ELOVL6: variants seen among roughly 807,000 people sequenced by gnomAD.
ELOVL6 encodes ELOVL fatty acid elongase 6.
A neutral mutation model predicts 31.7 loss-of-function variants in ELOVL6; 8 were observed. That is an observed-to-expected ratio of 0.25 (90% CI 0.15 to 0.45). ELOVL6 has a LOEUF of 0.45. ELOVL6 is among the 20% of genes least tolerant of loss of function. ELOVL6 has a pLI of 1.00. For synonymous variants in ELOVL6, 101 were observed against 117.7 expected (o/e 0.86, Z 0.92); for missense variants, 126 against 326.4 (o/e 0.39, Z 4.73).
At chr4:110,152,706 T>C (rs189872167) in intron 1 of ELOVL6, among the ~76,000 whole-genome samples, 98 of 152,330 alleles carry the variant, frequency 6.4e-4, no homozygotes, top group Non-Finnish European at 9.0e-4. Context: ...CTGGTTCACA[T>C]ACACAGATCA....
chr4:110,110,955 C>T (rs1363927103), intron 1 of ELOVL6, among the ~76,000 whole-genome samples: 52 of 152,242 alleles, frequency 3.4e-4, no homozygotes, highest in Non-Finnish European at 2.9e-5. Context: ...CCTCCAGATA[C>T]TAATTTAGAG....
intron 1 of ELOVL6, among the ~76,000 whole-genome samples, chr4:110,182,908 C>CAA (rs537639856): frequency 1.2e-4 from 17 of 142,352 alleles, no homozygotes; most frequent in African/African-American, 4.4e-4. Flanking sequence ...AACTCCGTCT[C>CAA]AAAAAAAAAA....
intron 2 of ELOVL6, among the ~76,000 whole-genome samples, chr4:110,080,825 T>C (rs1412079789): frequency 2.6e-5 from 4 of 152,070 alleles, no homozygotes; most frequent in African/African-American, 7.2e-5. Context: ...GATGACATGA[T>C]TGTATATCTA....
At chr4:110,062,587 C>T (rs1258991783) in intron 2 of ELOVL6, among the ~76,000 whole-genome samples, 1 of 152,184 alleles carries the variant, frequency 6.6e-6, no homozygotes, top group East Asian at 1.9e-4. Context: ...GGTGAAGAGG[C>T]TTTCCTTCCT....
chr4:110,134,998 C>T (rs1165308058), intron 1 of ELOVL6, among the ~76,000 whole-genome samples: 1 of 152,062 alleles, frequency 6.6e-6, no homozygotes, highest in Non-Finnish European at 1.5e-5. Context: ...GGAAGAGGAA[C>T]TATGAAGGGC....
chr4:110,074,747 T>A (rs141931760), intron 2 of ELOVL6, among the ~76,000 whole-genome samples: 150 of 152,242 alleles, frequency 9.9e-4, no homozygotes, highest in Non-Finnish European at 1.8e-3. Context: ...TTTTAAAACT[T>A]ATAGGCAGGA....
intron 2 of ELOVL6, among the ~76,000 whole-genome samples, chr4:110,084,956 G>T (rs2126236579): frequency 6.6e-6 from 1 of 152,028 alleles, no homozygotes; most frequent in South Asian, 2.1e-4. Context: ...TGAGCAACAG[G>T]GTGGATAATG....
chr4:110,069,424 C>A (rs1755404553), intron 2 of ELOVL6, among the ~76,000 whole-genome samples: 1 of 152,084 alleles, frequency 6.6e-6, no homozygotes, highest in Admixed American at 6.6e-5. Flanking sequence ...CTTGCTCCAG[C>A]CCATCTCCCA....
chr4:110,079,806 G>GT (rs1755774833), intron 2 of ELOVL6, among the ~76,000 whole-genome samples: 1 of 152,106 alleles, frequency 6.6e-6, no homozygotes, highest in Admixed American at 6.6e-5. Context: ...CCAGGAGCTG[G>GT]TTTTTTGAAA....
chr4:110,151,310 A>G (rs1314855909), intron 1 of ELOVL6, among the ~76,000 whole-genome samples: 1 of 151,872 alleles, frequency 6.6e-6, no homozygotes, highest in Non-Finnish European at 1.5e-5. Flanking sequence ...TGATTGTTTC[A>G]TATACACCTT....
intron 1 of ELOVL6, among the ~76,000 whole-genome samples, chr4:110,163,962 T>C (rs80264169): frequency 0.035 from 5,307 of 152,236 alleles, 306 homozygotes; most frequent in African/African-American, 0.12. Context: ...GGTTGTGACA[T>C]GACATTTCTG....
intron 1 of ELOVL6, among the ~76,000 whole-genome samples, chr4:110,176,231 T>C (rs1304073929): frequency 1.3e-5 from 2 of 152,106 alleles, no homozygotes; most frequent in Non-Finnish European, 2.9e-5. Flanking sequence ...GGCGTGATCT[T>C]GGCTCACTGC....
intron 1 of ELOVL6, among the ~76,000 whole-genome samples, chr4:110,177,848 T>C (rs1759154848): frequency 6.6e-6 from 1 of 152,208 alleles, no homozygotes; most frequent in Non-Finnish European, 1.5e-5. Flanking sequence ...AGTTCCCTGA[T>C]TGGCATAAAT....
intron 2 of ELOVL6, among the ~76,000 whole-genome samples, chr4:110,081,270 A>G (rs941219380): frequency 8.5e-5 from 13 of 152,216 alleles, no homozygotes; most frequent in African/African-American, 2.9e-4. Context: ...ACCAAAAAAG[A>G]GCCTGCATTG....
Position 110,090,349 on chromosome 4 carries a change from T to C in ELOVL6, c.221+15148A>G, listed in dbSNP as rs1560818850. ...CATTTATCTACATGTAAACCTTCTA[T>C]ACATTAACACAGAAATAAAAGTAGG... On this transcript the variant is annotated intron_variant, in intron 2 of 3. Coordinates refer to ENST00000302274, the MANE Select transcript of ELOVL6 (RefSeq NM_024090.3). 1.3e-5 allele frequency among the ~76,000 whole-genome samples: 2 copies of C among 152,204 alleles called. 1 individual carries two copies. The highest frequency in any genetic ancestry group is 4.1e-4 in the South Asian group (2 of 4,834).
chr4:110,185,497 T>TA (rs1759410905), intron 1 of ELOVL6, among the ~76,000 whole-genome samples: 1 of 152,124 alleles, frequency 6.6e-6, no homozygotes, highest in Admixed American at 6.6e-5. Context: ...ATAAATCTCT[T>TA]AGAGGTTTCT....
At chr4:110,061,453 T>C (rs1402843740) in intron 2 of ELOVL6, among the ~76,000 whole-genome samples, 1 of 151,960 alleles carries the variant, frequency 6.6e-6, no homozygotes, top group Non-Finnish European at 1.5e-5. Context: ...AATTTGGGGA[T>C]GAAGGGTTGA....
At chr4:110,092,441 C>T (rs769452559) in intron 2 of ELOVL6, among the ~76,000 whole-genome samples, 39 of 152,206 alleles carry the variant, frequency 2.6e-4, no homozygotes, top group Non-Finnish European at 3.5e-4. Flanking sequence ...AACCATACGG[C>T]GGGTGACCAA....
chr4:110,142,781 C>T (rs746076248), intron 1 of ELOVL6, among the ~76,000 whole-genome samples: 3 of 152,170 alleles, frequency 2.0e-5, no homozygotes, highest in African/African-American at 4.8e-5. Flanking sequence ...GTTTTGTTGG[C>T]TATGCTGCCA....
Sources: allele counts gnomAD v4.1 joint callset (sites outside exome capture counted in the v4.1 genomes callset), GRCh38; gene constraint gnomAD v4.1.1; transcripts MANE v1.5; gene names NCBI Gene and HGNC (gene_info 2026-07-23, HGNC 2026-07-21).